PAQR5: variants seen among roughly 807,000 people sequenced by gnomAD.
PAQR5 encodes the protein progestin and adipoQ receptor family member 5, also known as membrane progestin receptor gamma.
Under a neutral mutation model 34.5 loss-of-function variants are expected in PAQR5, and 20 were observed. The observed-to-expected ratio is 0.58, with a 90% CI of 0.41 to 0.84. The LOEUF (loss-of-function observed/expected upper bound fraction) is 0.84, where lower values mean the gene tolerates loss of function less well. PAQR5 is among the 40% of genes least tolerant of loss of function. The pLI is 0.00. For synonymous variants in PAQR5, 131 were observed against 155.6 expected, an observed-to-expected ratio of 0.84 and a Z score of 1.18; for missense variants, 378 against 412.7, an observed-to-expected ratio of 0.92 and a Z score of 0.73.
intron 6 of PAQR5, chr15:69,392,050 A>C: frequency 7.0e-6 from 2 of 287,214 alleles, no homozygotes; most frequent in South Asian, 6.2e-5. Context: ...GAGCCAAGAA[A>C]AAAAAGAAAT....
At chr15:69,390,349 TTTATTTATTTA>T (rs2056228260) in intron 6 of PAQR5, among the ~76,000 whole-genome samples, 2 of 83,258 alleles carry the variant, frequency 2.4e-5, no homozygotes, top group South Asian at 3.8e-4. Context: ...TATTTATTTA[TTTATTTATTTA>T]TTTTTTTGAG....
At chr15:69,344,123 C>T (rs2054707701) in intron 2 of PAQR5, among the ~76,000 whole-genome samples, 1 of 152,182 alleles carries the variant, frequency 6.6e-6, no homozygotes, top group South Asian at 2.1e-4. Context: ...CATGGGCCAC[C>T]ATGCCCGGCT....
intron 2 of PAQR5, among the ~76,000 whole-genome samples, chr15:69,345,636 G>A (rs572162383): frequency 6.6e-6 from 1 of 152,182 alleles, no homozygotes; most frequent in South Asian, 2.1e-4. Context: ...CTATTTCAGG[G>A]GAACTCAGCA....
At chr15:69,300,948 C>CTTCTTTCTTTCT (rs1204219653) in intron 1 of PAQR5, among the ~76,000 whole-genome samples, 50 of 3,628 alleles carry the variant, frequency 0.014, 8 homozygotes, top group South Asian at 0.05. Flanking sequence ...TCTTTCTTTC[C>CTTCTTTCTTTCT]TTCTTTCTTT....
intron 3 of PAQR5, among the ~76,000 whole-genome samples, chr15:69,378,433 T>C (rs1402870044): frequency 1.7e-5 from 1 of 60,572 alleles, no homozygotes; most frequent in Non-Finnish European, 2.8e-5. Context: ...CAAGACCCTG[T>C]CTCAAAAAAA....
Position 69,330,140 on chromosome 15 carries a change from A to G in PAQR5, c.-276-7201A>G, listed in dbSNP as rs190402453. 8.3e-4 allele frequency among the ~76,000 whole-genome samples: 126 copies of G among 152,280 alleles called. 2 individuals carry two copies. Among genetic ancestry groups the G allele is most frequent in the Non-Finnish European group, 2.1e-4 (14 of 68,010 alleles). On this transcript the variant is annotated intron_variant, in intron 1 of 8. Transcript: ENST00000395407. Reference sequence around the variant, plus strand: ...GTGCCTCTCCCCATCTTCATAGAACATTCTCCAAGCTTAGGCAGTCCAGGG... The same window carrying G: ...GTGCCTCTCCCCATCTTCATAGAACGTTCTCCAAGCTTAGGCAGTCCAGGG...
chr15:69,387,949 T>C (rs1041516972), intron 5 of PAQR5, among the ~76,000 whole-genome samples: 8 of 151,624 alleles, frequency 5.3e-5, no homozygotes, highest in Non-Finnish European at 1.2e-4. Context: ...CTGCCAGCCA[T>C]GCTGGCACAC....
intron 6 of PAQR5, among the ~76,000 whole-genome samples, chr15:69,394,804 G>A (rs1408950098): frequency 6.6e-6 from 1 of 152,248 alleles, no homozygotes; most frequent in African/African-American, 2.4e-5. Flanking sequence ...GCCTAATGCG[G>A]AACTGCAACT....
At chr15:69,367,031 T>C (rs1419994244) in intron 3 of PAQR5, among the ~76,000 whole-genome samples, 1 of 152,216 alleles carries the variant, frequency 6.6e-6, no homozygotes, top group Non-Finnish European at 1.5e-5. Context: ...CTTATCTCCT[T>C]CCTTTGACTT....
At chr15:69,302,267 C>T (rs62008410) in intron 1 of PAQR5, among the ~76,000 whole-genome samples, 3,948 of 152,094 alleles carry the variant, frequency 0.026, 73 homozygotes, top group Non-Finnish European at 0.039. Context: ...GAGGTGGGGT[C>T]TCACTATGTT....
At chr15:69,321,184 C>T (rs2054088023) in intron 1 of PAQR5, among the ~76,000 whole-genome samples, 1 of 152,204 alleles carries the variant, frequency 6.6e-6, no homozygotes, top group Admixed American at 6.6e-5. Context: ...ATTCTTGCAA[C>T]AGAGTTTTGC....
chr15:69,397,262 G>A (rs1479366142), intron 6 of PAQR5: 1 of 691,630 alleles, frequency 1.4e-6, no homozygotes, highest in South Asian at 1.5e-5. Context: ...TGTCCCTGGA[G>A]ATCTTTTTGC....
intron 6 of PAQR5, among the ~76,000 whole-genome samples, chr15:69,395,898 T>C (rs138433350): frequency 6.6e-6 from 1 of 150,994 alleles, no homozygotes; most frequent in East Asian, 2.0e-4. Flanking sequence ...TGGGCTGGAG[T>C]GAAGTTGGGG....
intron 1 of PAQR5, among the ~76,000 whole-genome samples, chr15:69,335,989 A>C (rs1222577425): frequency 6.6e-5 from 10 of 152,210 alleles, no homozygotes; most frequent in Admixed American, 3.3e-4. Context: ...TTAAAAGATA[A>C]TGAAAGTGGT....
rs534373254 is a variant in PAQR5 at position 69,372,530 on chromosome 15, G to A, written c.52-7353G>A. ...TGCACTCCACCCTGGGTGACAGAGTGAGACTCTGTCTCAAACAAAACAAAA... is the reference window on the plus strand; with the variant it reads ...TGCACTCCACCCTGGGTGACAGAGTAAGACTCTGTCTCAAACAAAACAAAA... On this transcript the variant is annotated intron_variant, in intron 3 of 8. Transcript: ENST00000395407. Among the ~76,000 whole-genome samples, 7 of 152,156 alleles carry A rather than the reference G, an allele frequency of 4.6e-5. No homozygotes were observed. The South Asian group carries it at 6.2e-4, about 14-fold the overall frequency.
intron 5 of PAQR5, among the ~76,000 whole-genome samples, chr15:69,387,481 T>C (rs1004392870): frequency 3.9e-5 from 6 of 152,236 alleles, no homozygotes; most frequent in Admixed American, 3.3e-4. Context: ...TATGTTCTGA[T>C]GATTAAATGT....
At chr15:69,374,951 G>T (rs1442838386) in intron 3 of PAQR5, among the ~76,000 whole-genome samples, 1 of 152,154 alleles carries the variant, frequency 6.6e-6, no homozygotes, top group Non-Finnish European at 1.5e-5. Flanking sequence ...CAGGCCCTGG[G>T]AGCTGGTTAG....
intron 5 of PAQR5, 23 bp from the exon 6 acceptor site, chr15:69,389,631 C>G (rs756039841): frequency 6.2e-7 from 1 of 1,613,836 alleles, no homozygotes; most frequent in South Asian, 1.1e-5. Context: ...GCTCCTCTCC[C>G]AAGGCTGGCT....
intron 6 of PAQR5, among the ~76,000 whole-genome samples, chr15:69,394,406 A>G (rs1263884022): frequency 6.6e-6 from 1 of 152,194 alleles, no homozygotes; most frequent in African/African-American, 2.4e-5. Context: ...CTCCAAAATA[A>G]GACAACTCCT....
Sources: allele counts gnomAD v4.1 joint callset (sites outside exome capture counted in the v4.1 genomes callset), GRCh38; gene constraint gnomAD v4.1.1; transcripts MANE v1.5; gene names NCBI Gene and HGNC (gene_info 2026-07-23, HGNC 2026-07-21).